RALYL: variants seen among roughly 807,000 people sequenced by gnomAD.
RALYL encodes RNA-binding Raly-like protein.
A neutral mutation model predicts 35.1 loss-of-function variants in RALYL; 29 were observed. The ratio of observed to expected loss-of-function variants is 0.83; its 90% confidence interval spans 0.61 to 1.13. The LOEUF (loss-of-function observed/expected upper bound fraction) is 1.13. RALYL is among the 50% of genes most tolerant of loss of function. The probability of loss-of-function intolerance (pLI) is 0.00; values close to 1 mark genes in which losing one functional copy is unlikely to be tolerated. For synonymous variants in RALYL, 120 were observed against 127.6 expected (o/e 0.94, Z 0.40); for missense variants, 359 against 360.4 (o/e 1.00, Z 0.03).
chr8:84,301,350 G>A (rs1193217472), intron 1 of RALYL, among the ~76,000 whole-genome samples: 2 of 151,906 alleles, frequency 1.3e-5, no homozygotes, highest in African/African-American at 2.4e-5. Flanking sequence ...AGAATATGAT[G>A]ACTATATTTC....
At chr8:84,696,355 A>T (rs185033516) in intron 2 of RALYL, among the ~76,000 whole-genome samples, 29 of 151,982 alleles carry the variant, frequency 1.9e-4, no homozygotes, top group African/African-American at 6.0e-4. Flanking sequence ...TAAAAAAGAA[A>T]TTTTTTTCCT....
intron 1 of RALYL, chr8:84,185,038 G>T: frequency 6.2e-7 from 1 of 1,613,630 alleles, no homozygotes; most frequent in Non-Finnish European, 8.5e-7. Context: ...AGCCTATTTT[G>T]CTTTACCAAA....
chr8:84,638,395 A>G (rs888568380), intron 2 of RALYL, among the ~76,000 whole-genome samples: 5 of 151,966 alleles, frequency 3.3e-5, no homozygotes, highest in African/African-American at 1.2e-4. Context: ...TCACACCTGA[A>G]AGAACTAGAG....
At chr8:84,366,762 T>TAAAAA (rs1854368863) in intron 1 of RALYL, among the ~76,000 whole-genome samples, 1 of 9,352 alleles carries the variant, frequency 1.1e-4, no homozygotes, top group Non-Finnish European at 1.8e-4. Flanking sequence ...GATTTTTGTC[T>TAAAAA]CAAAAAAAAA....
chr8:84,919,453 A>T (rs1259988851), intron 8 of RALYL, among the ~76,000 whole-genome samples: 1 of 152,104 alleles, frequency 6.6e-6, no homozygotes, highest in Non-Finnish European at 1.5e-5. Context: ...TAGTCTACTT[A>T]TGTTGTATAA....
intron 2 of RALYL, among the ~76,000 whole-genome samples, chr8:84,558,349 A>G (rs1340070579): frequency 2.0e-5 from 3 of 152,224 alleles, no homozygotes; most frequent in Non-Finnish European, 2.9e-5. Flanking sequence ...TTCATTTACT[A>G]TATTTGGCAT....
intron 2 of RALYL, among the ~76,000 whole-genome samples, chr8:84,539,878 GTATATATA>G (rs371459024): frequency 0.043 from 3,242 of 75,124 alleles, 113 homozygotes; most frequent in African/African-American, 0.13. Context: ...ATATATATAT[GTATATATA>G]TGTGTGTGTG....
intron 2 of RALYL, among the ~76,000 whole-genome samples, chr8:84,727,530 G>C (rs1039805171): frequency 1.3e-5 from 2 of 151,674 alleles, no homozygotes; most frequent in African/African-American, 4.8e-5. Context: ...GTGCAGGTTA[G>C]TTACATATGT....
chr8:84,265,056 G>A (rs1413771689), intron 1 of RALYL, among the ~76,000 whole-genome samples: 2 of 152,194 alleles, frequency 1.3e-5, no homozygotes, highest in African/African-American at 2.4e-5. Context: ...GCTGTCATGA[G>A]CTAGATGTGC....
chr8:84,788,458 A>G (rs1360724932), intron 3 of RALYL, among the ~76,000 whole-genome samples: 3 of 152,204 alleles, frequency 2.0e-5, no homozygotes, highest in Non-Finnish European at 4.4e-5. Flanking sequence ...GATGTATTTT[A>G]AAATTAGACA....
intron 6 of RALYL, among the ~76,000 whole-genome samples, chr8:84,869,475 A>G (rs935921445): frequency 6.6e-6 from 1 of 152,298 alleles, no homozygotes; most frequent in Non-Finnish European, 1.5e-5. Context: ...TAAATAGTTG[A>G]TAGGAAGCAT....
At chr8:84,402,383 C>A (rs1370656294) in intron 1 of RALYL, among the ~76,000 whole-genome samples, 2 of 152,084 alleles carry the variant, frequency 1.3e-5, no homozygotes, top group Non-Finnish European at 2.9e-5. Context: ...CTGATTGTGT[C>A]TCAAATCCAT....
chr8:84,346,635 A>T (rs749229780), intron 1 of RALYL, among the ~76,000 whole-genome samples: 8 of 151,866 alleles, frequency 5.3e-5, no homozygotes, highest in Non-Finnish European at 1.0e-4. Context: ...TGTCCAGCTA[A>T]TTTTTGTAGT....
At chr8:84,348,554 G>C (rs760917114) in intron 1 of RALYL, among the ~76,000 whole-genome samples, 1 of 152,022 alleles carries the variant, frequency 6.6e-6, no homozygotes, top group Non-Finnish European at 1.5e-5. Context: ...TGTATAAAGG[G>C]TCTGATCAAA....
At chr8:84,740,952 A>G (rs1807151470) in intron 2 of RALYL, among the ~76,000 whole-genome samples, 1 of 151,992 alleles carries the variant, frequency 6.6e-6, no homozygotes, top group Non-Finnish European at 1.5e-5. Context: ...GCACTTTTGT[A>G]TATTAGGTAC....
At position 84,310,874 on chromosome 8, in the gene RALYL, C is replaced by T. The variant is rs1196292752; in HGVS notation, c.-24+126450C>T. On this transcript the variant is annotated intron_variant, in intron 1 of 8. Coordinates refer to ENST00000521268, the MANE Select transcript of RALYL (RefSeq NM_173848.7). ...CGTCCTGGCTAACAAGGTGAAACCC[C>T]GTCTCTACTAAAAATACAAAAAATT... Among the ~76,000 whole-genome samples the T allele has an allele frequency of 5.5e-5, 8 of 146,100 alleles. No homozygotes were observed. The South Asian group carries it at 1.3e-3, about 23-fold the overall frequency.
rs1824178073 is a variant in RALYL at position 84,804,683 on chromosome 8, A to C, written c.333-87A>C. The C allele has an allele frequency of 6.8e-6, 4 of 588,802 alleles. No individual in the cohort carries two copies. In the Admixed American group the frequency reaches 1.8e-4, roughly 26 times the overall value. The allele number at this position is 588,802 out of a possible 1,614,324, so 36.5% of individuals were successfully genotyped here. A position where few individuals can be genotyped will look rare whatever the true frequency, so the allele number is the denominator to read the frequency against. On this transcript the variant is annotated intron_variant, in intron 3 of 8. Transcript: ENST00000521268. ...TATGCATTTTCATCCAAACAAGTAT[A>C]ATAATTTTGTCAGGTTCATGTAAAA... is the stretch of plus-strand genomic sequence containing the variant.
At chr8:84,729,725 A>G (rs2132811089) in intron 2 of RALYL, among the ~76,000 whole-genome samples, 1 of 152,138 alleles carries the variant, frequency 6.6e-6, no homozygotes, top group African/African-American at 2.4e-5. Context: ...CCACAGAAAT[A>G]CAAACTACCA....
intron 2 of RALYL, among the ~76,000 whole-genome samples, chr8:84,682,678 G>C (rs1452864098): frequency 2.6e-5 from 4 of 152,012 alleles, no homozygotes; most frequent in African/African-American, 9.7e-5. Flanking sequence ...TGTGGGATCA[G>C]TGGTGATATC....
Sources: gnomAD v4.1 joint callset for allele counts (sites outside exome capture counted in the v4.1 genomes callset) on GRCh38, gnomAD v4.1.1 for gene constraint, MANE v1.5 for transcripts, NCBI Gene and HGNC (gene_info 2026-07-23, HGNC 2026-07-21) for gene names.